PCCA: variants seen among roughly 807,000 people sequenced by gnomAD.
PCCA encodes the protein propionyl-CoA carboxylase subunit alpha.
A neutral mutation model predicts 101.3 loss-of-function variants in PCCA; 74 were observed. The ratio of observed to expected loss-of-function variants is 0.73; its 90% CI spans 0.61 to 0.89. PCCA has a LOEUF of 0.89. PCCA is among the 40% of genes least tolerant of loss of function. The pLI is 0.00. For missense variants in PCCA, 891 were observed against 907.0 expected (o/e 0.98, Z 0.23); for synonymous variants, 294 against 313.6 (o/e 0.94, Z 0.66).
chr13:100,336,027 C>T (rs1019667958), intron 17 of PCCA, among the ~76,000 whole-genome samples: 1 of 152,136 alleles, frequency 6.6e-6, no homozygotes, highest in Admixed American at 6.5e-5. Flanking sequence ...CTCTGGGAGG[C>T]CGAGTGGGGC....
intron 22 of PCCA, among the ~76,000 whole-genome samples, chr13:100,518,764 C>G (rs1364705542): frequency 6.6e-6 from 1 of 152,138 alleles, no homozygotes; most frequent in African/African-American, 2.4e-5. Context: ...GAAAATGTTT[C>G]TGCAGTAACT....
intron 4 of PCCA, among the ~76,000 whole-genome samples, chr13:100,151,416 AC>A (rs1002438575): frequency 9.2e-5 from 14 of 152,100 alleles, no homozygotes; most frequent in African/African-American, 3.4e-4. Flanking sequence ...ACATGGAGAA[AC>A]CCTATCTCTA....
chr13:100,445,039 C>T lies in PCCA; in HGVS notation c.1846-4213C>T, dbSNP rs149998503. On this transcript the variant is annotated intron_variant, in intron 20 of 23. Coordinates refer to ENST00000376285, the MANE Select transcript of PCCA (RefSeq NM_000282.4). ...TCTGGAAAAGTTGAGGATTAGGCATCTGATGAGGACCTCAGGCTGCTTTTA... is the reference window on the plus strand; with the variant it reads ...TCTGGAAAAGTTGAGGATTAGGCATTTGATGAGGACCTCAGGCTGCTTTTA... Among the ~76,000 whole-genome samples the T allele has an allele frequency of 8.0e-3, 1,224 of 152,196 alleles. 13 individuals are homozygous for T. The highest frequency in any genetic ancestry group is 0.028 in the African/African-American group (1,149 of 41,506).
At chr13:100,513,747 AATAG>A (rs2086639434) in intron 21 of PCCA, among the ~76,000 whole-genome samples, 1 of 152,216 alleles carries the variant, frequency 6.6e-6, no homozygotes, top group Admixed American at 6.5e-5. Flanking sequence ...ACAAGAAAAA[AATAG>A]ATCTGTGTGC....
At chr13:100,397,318 G>T (rs1282286138) in intron 19 of PCCA, among the ~76,000 whole-genome samples, 1 of 152,168 alleles carries the variant, frequency 6.6e-6, no homozygotes, top group African/African-American at 2.4e-5. Flanking sequence ...CTGAGTGTCA[G>T]ATTTGTCATC....
chr13:100,271,338 C>T (rs1354960999), intron 11 of PCCA, among the ~76,000 whole-genome samples: 1 of 152,034 alleles, frequency 6.6e-6, no homozygotes, highest in Non-Finnish European at 1.5e-5. Context: ...ATTGTAACTT[C>T]ACCAAAAGGG....
In PCCA at chr13:100,416,184, A is replaced by G. The variant is rs540999061; in HGVS notation, c.1747-9449A>G. The stretch of plus-strand genomic sequence containing the variant: ...GATGCCTTCTTGAAATAGGACATAA[A>G]TCATGGTTTTTTTTTTTTTTCTGAG... On this transcript the variant is annotated intron_variant, in intron 19 of 23. Coordinates refer to ENST00000376285, the MANE Select transcript of PCCA (RefSeq NM_000282.4). Among the ~76,000 whole-genome samples the G allele has an allele frequency of 4.6e-5, 7 of 151,542 alleles. No homozygotes were observed. The East Asian group carries it at 1.2e-3, about 25-fold the overall frequency.
intron 4 of PCCA, 124 bp downstream of exon 4, chr13:100,112,185 G>T: frequency 5.7e-6 from 4 of 699,272 alleles, no homozygotes; most frequent in East Asian, 2.8e-5. Context: ...CTGTTTACTT[G>T]TTCACTGTTG....
At chr13:100,235,803 C>A (rs1323656769) in intron 7 of PCCA, 39 bp from the exon 8 acceptor site, 2 of 1,481,778 alleles carry the variant, frequency 1.3e-6, no homozygotes, top group Admixed American at 1.7e-5. Flanking sequence ...TGCAATGCCT[C>A]ATGGGATTAA....
intron 6 of PCCA, among the ~76,000 whole-genome samples, chr13:100,167,423 A>C (rs2055159993): frequency 6.6e-6 from 1 of 152,078 alleles, no homozygotes; most frequent in Admixed American, 6.6e-5. Context: ...GGTGGCATGC[A>C]GCTGTAGTCC....
At chr13:100,231,891 A>G (rs2060491268) in intron 7 of PCCA, among the ~76,000 whole-genome samples, 3 of 152,170 alleles carry the variant, frequency 2.0e-5, no homozygotes, top group African/African-American at 7.2e-5. Flanking sequence ...ACTTTTGAGC[A>G]GTAAATTGGT....
chr13:100,264,804 C>T (rs1042906741), intron 10 of PCCA, among the ~76,000 whole-genome samples: 24 of 152,070 alleles, frequency 1.6e-4, no homozygotes, highest in Middle Eastern at 3.2e-3. Context: ...ATACTCCCAC[C>T]AGAAATACAT....
chr13:100,319,982 G>T (rs1157909647), intron 16 of PCCA, among the ~76,000 whole-genome samples: 1 of 152,132 alleles, frequency 6.6e-6, no homozygotes, highest in Non-Finnish European at 1.5e-5. Flanking sequence ...TCTTCCATTT[G>T]TTTGTGTCTT....
At chr13:100,383,077 T>C (rs1273080663) in intron 19 of PCCA, among the ~76,000 whole-genome samples, 2 of 151,948 alleles carry the variant, frequency 1.3e-5, no homozygotes, top group Non-Finnish European at 2.9e-5. Flanking sequence ...GGAAAAACAT[T>C]AGAATGTGGT....
In PCCA at chr13:100,443,644, G is replaced by T. The variant is rs144788465; in HGVS notation, c.1846-5608G>T. Among the ~76,000 whole-genome samples the T allele has an allele frequency of 4.5e-3, 348 of 77,620 alleles. 3 individuals are homozygous for T. The highest frequency in any genetic ancestry group is 0.012 in the African/African-American group (336 of 27,124). 50.9% of individuals were successfully genotyped at this position (77,620 alleles called of 152,430 possible). A position where few individuals can be genotyped will look rare whatever the true frequency, so the allele number is the denominator to read the frequency against. On this transcript the variant is annotated intron_variant, in intron 20 of 23. Coordinates refer to ENST00000376285, the MANE Select transcript of PCCA (RefSeq NM_000282.4). ...TTTCTTGCCACGCAGCAGTTCAGTG[G>T]GTTATTGTGATTTTTTTTTTTTTAA...
At chr13:100,173,623 G>A (rs1357274015) in intron 6 of PCCA, among the ~76,000 whole-genome samples, 3 of 152,162 alleles carry the variant, frequency 2.0e-5, no homozygotes, top group African/African-American at 7.2e-5. Context: ...CTGCTGCATA[G>A]GCTGGTAGGT....
At chr13:100,234,914 C>CA (rs59643793) in intron 7 of PCCA, among the ~76,000 whole-genome samples, 32,342 of 147,940 alleles carry the variant, frequency 0.22, 4,349 homozygotes, top group African/African-American at 0.39. Context: ...CACACACACA[C>CA]CCCACACATA....
At chr13:100,287,564 T>C (rs1182356678) in intron 12 of PCCA, among the ~76,000 whole-genome samples, 3 of 152,154 alleles carry the variant, frequency 2.0e-5, no homozygotes, top group Non-Finnish European at 4.4e-5. Context: ...TTGTTTCTCT[T>C]TTACAAAAGT....
chr13:100,099,920 A>C (rs1184689853), intron 1 of PCCA, among the ~76,000 whole-genome samples: 1 of 152,174 alleles, frequency 6.6e-6, no homozygotes, highest in Non-Finnish European at 1.5e-5. Flanking sequence ...ATTTGAATCC[A>C]GGTCAGAATC....
Sources: allele counts gnomAD v4.1 joint callset (sites outside exome capture counted in the v4.1 genomes callset), GRCh38; gene constraint gnomAD v4.1.1; transcripts MANE v1.5; gene names NCBI Gene and HGNC (gene_info 2026-07-23, HGNC 2026-07-21).